The following KALRN variants were observed in gnomAD, a reference collection of about 807,000 sequenced individuals.
KALRN encodes kalirin RhoGEF kinase.
A neutral mutation model predicts 353.7 loss-of-function variants in KALRN; 70 were observed. The observed-to-expected ratio is 0.20, with a 90% confidence interval of 0.16 to 0.24. The LOEUF (loss-of-function observed/expected upper bound fraction) is 0.24, where lower values mean the gene tolerates loss of function less well. Ranked by LOEUF, KALRN falls within the 10% of genes least tolerant of loss-of-function variation. The pLI is 1.00. For missense variants in KALRN, 2,791 were observed against 3,756.7 expected (o/e 0.74, Z 6.72); for synonymous variants, 1,391 against 1,434.8 (o/e 0.97, Z 0.69).
intron 3 of KALRN, among the ~76,000 whole-genome samples, chr3:124,237,096 T>G (rs922867180): frequency 1.3e-5 from 2 of 152,230 alleles, no homozygotes; most frequent in African/African-American, 4.8e-5. Flanking sequence ...TGGAACAGGA[T>G]TGTTCTAAAG....
chr3:124,465,311 G>A (rs1473156833), intron 25 of KALRN, among the ~76,000 whole-genome samples: 1 of 152,084 alleles, frequency 6.6e-6, no homozygotes, highest in Non-Finnish European at 1.5e-5. Flanking sequence ...GCTTAGAGGG[G>A]AGAACATCTT....
chr3:124,685,363 A>G (rs1369736265), intron 51 of KALRN, among the ~76,000 whole-genome samples: 2 of 152,028 alleles, frequency 1.3e-5, no homozygotes, highest in Non-Finnish European at 2.9e-5. Context: ...ATTCACATCT[A>G]TTATGCTTTT....
At chr3:124,245,687 T>C (rs2081044536) in intron 3 of KALRN, among the ~76,000 whole-genome samples, 1 of 152,112 alleles carries the variant, frequency 6.6e-6, no homozygotes, top group Non-Finnish European at 1.5e-5. Flanking sequence ...TTGTTGTTTT[T>C]TGTTTTTTTT....
At chr3:124,371,652 A>G (rs1251297867) in intron 10 of KALRN, among the ~76,000 whole-genome samples, 1 of 152,012 alleles carries the variant, frequency 6.6e-6, no homozygotes, top group Non-Finnish European at 1.5e-5. Context: ...ATTTTTTACT[A>G]TGTTTAAATT....
intron 1 of KALRN, among the ~76,000 whole-genome samples, chr3:124,165,295 C>A (rs2070654422): frequency 6.6e-6 from 1 of 152,158 alleles, no homozygotes. Flanking sequence ...TACAGTACCA[C>A]TTATTAGCCC....
At chr3:124,102,727 T>C (rs2061980906) in intron 1 of KALRN, among the ~76,000 whole-genome samples, 1 of 152,208 alleles carries the variant, frequency 6.6e-6, no homozygotes, top group African/African-American at 2.4e-5. Flanking sequence ...GTCCCCACTA[T>C]CCTTTGTATT....
chr3:124,406,961 G>A (rs2091619156), intron 13 of KALRN, among the ~76,000 whole-genome samples: 1 of 151,330 alleles, frequency 6.6e-6, no homozygotes, highest in South Asian at 2.1e-4. Flanking sequence ...AGCCTCCAGA[G>A]TAGCTGGGAT....
intron 7 of KALRN, among the ~76,000 whole-genome samples, chr3:124,326,759 T>C (rs2079957420): frequency 6.6e-6 from 1 of 152,234 alleles, no homozygotes; most frequent in African/African-American, 2.4e-5. Context: ...GAGCCTGTCT[T>C]GAACCAGCTC....
Position 124,615,694 on chromosome 3 carries a change from G to A in KALRN, c.5183-16726G>A, listed in dbSNP as rs148144930. On this transcript the variant is annotated intron_variant, in intron 34 of 59. Transcript: ENST00000682506. Reference sequence around the variant, plus strand: ...CTGGTGCCAGTGGGATCATACTGGCGAATCCGGTTGCAGGGTGGGCCAGGC... The same window carrying A: ...CTGGTGCCAGTGGGATCATACTGGCAAATCCGGTTGCAGGGTGGGCCAGGC... Among the ~76,000 whole-genome samples, 668 of 152,262 alleles carry A rather than the reference G, an allele frequency of 4.4e-3. 3 individuals are homozygous for A. The highest frequency in any genetic ancestry group is 0.015 in the African/African-American group (626 of 41,542).
intron 19 of KALRN, among the ~76,000 whole-genome samples, chr3:124,445,121 C>A (rs182712701): frequency 6.6e-6 from 1 of 152,274 alleles, no homozygotes; most frequent in East Asian, 1.9e-4. Context: ...CCTATCTGAA[C>A]AACCCTGAGC....
Position 124,702,125 on chromosome 3 carries a change from A to T in KALRN, c.8075+9A>T, listed in dbSNP as rs764982803. The T allele has an allele frequency of 4.4e-6, 7 of 1,588,546 alleles. No homozygotes were observed. The African/African-American group carries it at 9.4e-5, about 21-fold the overall frequency. On this transcript the variant is annotated intron_variant, in intron 57 of 59. Coordinates refer to ENST00000682506, the MANE Select transcript of KALRN (RefSeq NM_001388419.1). ...CTGAATGAAATTGGAAGGTAATGAC[A>T]CAGTTTTATATTCCTTCATTCATGA...
At chr3:124,668,078 A>ACG (rs1267300605) in intron 47 of KALRN, among the ~76,000 whole-genome samples, 15 of 133,302 alleles carry the variant, frequency 1.1e-4, no homozygotes, top group Admixed American at 7.4e-4. Flanking sequence ...ACACACACAC[A>ACG]CACACACACA....
chr3:124,390,888 G>A (rs1165811530), intron 11 of KALRN, among the ~76,000 whole-genome samples: 2 of 151,810 alleles, frequency 1.3e-5, no homozygotes, highest in Non-Finnish European at 2.9e-5. Context: ...TTTTTCAGTT[G>A]CCGCTTTCTC....
intron 1 of KALRN, among the ~76,000 whole-genome samples, chr3:124,161,474 C>A (rs1049630139): frequency 6.6e-5 from 10 of 152,184 alleles, no homozygotes; most frequent in African/African-American, 2.4e-4. Flanking sequence ...TCTACCCCTG[C>A]CTTCAAGGTT....
chr3:124,368,859 A>T (rs2085405493), intron 10 of KALRN, among the ~76,000 whole-genome samples: 1 of 152,212 alleles, frequency 6.6e-6, no homozygotes, highest in Non-Finnish European at 1.5e-5. Flanking sequence ...TAGGGGCTGG[A>T]GACCGGCCGG....
At chr3:124,317,501 G>A (rs745693399) in intron 6 of KALRN, among the ~76,000 whole-genome samples, 3 of 152,244 alleles carry the variant, frequency 2.0e-5, no homozygotes, top group East Asian at 1.9e-4. Context: ...AAGATCAGGC[G>A]TGCTAGAAGA....
At chr3:124,103,284 A>T (rs1019361608) in intron 1 of KALRN, among the ~76,000 whole-genome samples, 3 of 152,144 alleles carry the variant, frequency 2.0e-5, no homozygotes, top group Non-Finnish European at 4.4e-5. Flanking sequence ...TGGTGTTTCC[A>T]TCCAGTGGGG....
At chr3:124,269,601 A>G (rs1580294170) in intron 5 of KALRN, among the ~76,000 whole-genome samples, 1 of 152,122 alleles carries the variant, frequency 6.6e-6, no homozygotes, top group Admixed American at 6.5e-5. Context: ...GCTTTTACCT[A>G]CTGTTAGAAG....
intron 33 of KALRN, among the ~76,000 whole-genome samples, chr3:124,547,994 T>C (rs1335041990): frequency 6.6e-6 from 1 of 152,160 alleles, no homozygotes; most frequent in African/African-American, 2.4e-5. Flanking sequence ...TGATTTTTCC[T>C]AAAGATAAAA....
Sources: gnomAD v4.1 joint callset for allele counts (sites outside exome capture counted in the v4.1 genomes callset) on GRCh38, gnomAD v4.1.1 for gene constraint, MANE v1.5 for transcripts, NCBI Gene and HGNC (gene_info 2026-07-23, HGNC 2026-07-21) for gene names.